Variants in OR1J2 observed in about 807,000 individuals in gnomAD.
OR1J2 encodes the protein olfactory receptor 1J2.
For missense variants in OR1J2, 304 were observed against 246.1 expected, an observed-to-expected ratio of 1.24 and a Z score of -1.57; for synonymous variants, 142 against 99.7, an observed-to-expected ratio of 1.42 and a Z score of -2.52.
chr9:122,478,090 T>C, the OR1J2 span, among the ~76,000 whole-genome samples: 1 of 152,250 alleles, frequency 6.6e-6, no homozygotes, highest in African/African-American at 2.4e-5. Flanking sequence ...GCAAATGTGC[T>C]GAAAAAGAAA....
At chr9:122,471,122 G>A in the OR1J2 span, among the ~76,000 whole-genome samples, 96,946 of 151,752 alleles carry the variant, frequency 0.64, 31,281 homozygotes, top group Middle Eastern at 0.73. Flanking sequence ...ATTTGGAGGG[G>A]CCAGGGGTGG....
the OR1J2 span, among the ~76,000 whole-genome samples, chr9:122,566,853 G>A: frequency 1.3e-5 from 2 of 152,088 alleles, no homozygotes; most frequent in Admixed American, 1.3e-4. Flanking sequence ...CAGAAGAAAT[G>A]TTTCAACCTC....
the OR1J2 span, among the ~76,000 whole-genome samples, chr9:122,552,624 G>A: frequency 1.9e-3 from 295 of 152,148 alleles, 2 homozygotes; most frequent in African/African-American, 6.7e-3. Flanking sequence ...ATCCTTTGCC[G>A]CTAGTTAGGA....
the OR1J2 span, among the ~76,000 whole-genome samples, chr9:122,473,866 T>C: frequency 6.6e-6 from 1 of 152,324 alleles, no homozygotes; most frequent in African/African-American, 2.4e-5. Context: ...CTTGCAGACT[T>C]CACTGCAAGT....
chr9:122,490,312 A>T, the OR1J2 span, among the ~76,000 whole-genome samples: 1 of 152,008 alleles, frequency 6.6e-6, no homozygotes, highest in Non-Finnish European at 1.5e-5. Context: ...TCCCCATCCA[A>T]TGTGGGGTGG....
chr9:122,512,878 G>T (rs1373650028), downstream of OR1J2, among the ~76,000 whole-genome samples: 1 of 152,100 alleles, frequency 6.6e-6, no homozygotes, highest in Non-Finnish European at 1.5e-5. Context: ...AAAGATTGGG[G>T]CAGGTTCACG....
chr9:122,565,865 C>T, the OR1J2 span, among the ~76,000 whole-genome samples: 1 of 152,042 alleles, frequency 6.6e-6, no homozygotes, highest in Non-Finnish European at 1.5e-5. Flanking sequence ...ATGTTGACAC[C>T]CATGAGAATA....
chr9:122,477,575 T>C, the OR1J2 span: 1 of 1,614,088 alleles, frequency 6.2e-7, no homozygotes. Context: ...TCATATGCCA[T>C]TGAAGTGATA....
upstream of OR1J2, among the ~76,000 whole-genome samples, chr9:122,507,751 C>T (rs188758946): frequency 6.6e-6 from 1 of 152,128 alleles, no homozygotes; most frequent in African/African-American, 2.4e-5. Flanking sequence ...GAATAATTTT[C>T]TCCTGCGTGT....
chr9:122,565,375 G>C, the OR1J2 span, among the ~76,000 whole-genome samples: 937 of 152,306 alleles, frequency 6.2e-3, 9 homozygotes, highest in African/African-American at 0.021. Flanking sequence ...GACCCGTTTT[G>C]TGGATACCAG....
chr9:122,493,551 C>T, the OR1J2 span, among the ~76,000 whole-genome samples: 1 of 152,030 alleles, frequency 6.6e-6, no homozygotes, highest in Non-Finnish European at 1.5e-5. Context: ...GGTAATAGCT[C>T]CCATTTCATT....
the OR1J2 span, among the ~76,000 whole-genome samples, chr9:122,522,265 C>T: frequency 4.6e-5 from 7 of 152,090 alleles, no homozygotes; most frequent in African/African-American, 1.7e-4. Context: ...CAATTATGGA[C>T]GTTTCAAGTG....
downstream of OR1J2, among the ~76,000 whole-genome samples, chr9:122,515,974 T>C (rs978543410): frequency 6.6e-6 from 1 of 152,162 alleles, no homozygotes; most frequent in African/African-American, 2.4e-5. Context: ...CACTTTATTT[T>C]AATGGAAACA....
chr9:122,575,393 A>T, the OR1J2 span, among the ~76,000 whole-genome samples: 4 of 152,036 alleles, frequency 2.6e-5, no homozygotes, highest in African/African-American at 9.7e-5. Context: ...CAATTTCATC[A>T]TTTCTTTTTG....
chr9:122,448,424 G>T, the OR1J2 span, among the ~76,000 whole-genome samples: 2 of 152,100 alleles, frequency 1.3e-5, no homozygotes, highest in East Asian at 3.9e-4. Context: ...GTTCCCAGGG[G>T]CAGGCAGGAG....
chr9:122,543,453 T>A, the OR1J2 span, among the ~76,000 whole-genome samples: 167 of 152,328 alleles, frequency 1.1e-3, 1 homozygote, highest in Non-Finnish European at 1.8e-4. Context: ...TCTGCCTGTC[T>A]CAGCCTCCCA....
chr9:122,490,162 G>A, the OR1J2 span, among the ~76,000 whole-genome samples: 1 of 152,112 alleles, frequency 6.6e-6, no homozygotes, highest in Admixed American at 6.5e-5. Flanking sequence ...CTGGTGGCAG[G>A]GGAGAATACT....
chr9:122,571,277 C>T, the OR1J2 span, among the ~76,000 whole-genome samples: 18 of 152,166 alleles, frequency 1.2e-4, no homozygotes, highest in Middle Eastern at 3.4e-3. Context: ...GCATGCCGGG[C>T]GCGGTGGCTC....
chr9:122,554,142 G>T, the OR1J2 span: 2 of 1,610,760 alleles, frequency 1.2e-6, no homozygotes, highest in East Asian at 4.5e-5. Context: ...TTTTGTCAGT[G>T]GAAAAACATT....
Sources: gnomAD v4.1 joint callset for allele counts (sites outside exome capture counted in the v4.1 genomes callset) on GRCh38, gnomAD v4.1.1 for gene constraint, MANE v1.5 for transcripts, NCBI Gene and HGNC (gene_info 2026-07-23, HGNC 2026-07-21) for gene names.